Variants in CLMP observed in about 807,000 individuals in gnomAD.
The protein encoded by CLMP is CXADR like cell adhesion molecule.
A neutral mutation model predicts 45.2 loss-of-function variants in CLMP; 27 were observed. That is an observed-to-expected ratio of 0.60 (90% CI 0.44 to 0.82). The LOEUF is 0.82. CLMP is among the 40% of genes least tolerant of loss of function. CLMP has a pLI of 0.00. For synonymous variants in CLMP, 167 were observed against 171.4 expected, an observed-to-expected ratio of 0.97 and a Z score of 0.20; for missense variants, 403 against 448.4, an observed-to-expected ratio of 0.90 and a Z score of 0.91.
chr11:123,180,157 G>C (rs1861750661), intron 1 of CLMP, among the ~76,000 whole-genome samples: 1 of 152,202 alleles, frequency 6.6e-6, no homozygotes, highest in Non-Finnish European at 1.5e-5. Flanking sequence ...GAGCATCTCT[G>C]TGTCAGGCAC....
chr11:123,190,174 G>A (rs1179380649), intron 1 of CLMP, among the ~76,000 whole-genome samples: 1 of 152,116 alleles, frequency 6.6e-6, no homozygotes, highest in African/African-American at 2.4e-5. Flanking sequence ...TCCTGGGTGG[G>A]GGGATCGGGC....
chr11:123,152,477 C>T (rs752623167), intron 1 of CLMP, among the ~76,000 whole-genome samples: 8 of 151,420 alleles, frequency 5.3e-5, no homozygotes, highest in Non-Finnish European at 7.4e-5. Flanking sequence ...GAGCCGAGAT[C>T]GTGCCACTGC....
intron 1 of CLMP, among the ~76,000 whole-genome samples, chr11:123,155,512 G>T (rs1012613038): frequency 2.6e-5 from 4 of 152,300 alleles, no homozygotes; most frequent in African/African-American, 9.6e-5. Flanking sequence ...TGTGAGGAAG[G>T]TATTATTATT....
rs115184587 is a variant in CLMP at position 123,188,531 on chromosome 11, C to T, written c.28+6382G>A. Among the ~76,000 whole-genome samples the T allele has an allele frequency of 8.4e-3, 1,275 of 152,122 alleles. 12 individuals are homozygous for T. Among genetic ancestry groups the T allele is most frequent in the African/African-American group, 0.028 (1,172 of 41,474 alleles). On this transcript the variant is annotated intron_variant, in intron 1 of 6. Transcript: ENST00000448775. Reference sequence around the variant, plus strand: ...GAACTTTCCACATCCCCCTTGCTGCCGCTCTTTACAAAAACCCCCAATATT... The same window carrying T: ...GAACTTTCCACATCCCCCTTGCTGCTGCTCTTTACAAAAACCCCCAATATT...
At chr11:123,136,296 G>A in intron 1 of CLMP, 1 of 644,220 alleles carries the variant, frequency 1.6e-6, no homozygotes, top group African/African-American at 1.8e-5. Context: ...TTCCACCACT[G>A]GTGTCTTCGC....
intron 1 of CLMP, among the ~76,000 whole-genome samples, chr11:123,126,078 T>C (rs77418215): frequency 0.022 from 3,399 of 152,320 alleles, 48 homozygotes; most frequent in Non-Finnish European, 0.031. Context: ...TTTTCCTCTC[T>C]TCCAAGGGGC....
chr11:123,125,284 C>T (rs1860872941), intron 1 of CLMP, among the ~76,000 whole-genome samples: 1 of 152,194 alleles, frequency 6.6e-6, no homozygotes, highest in African/African-American at 2.4e-5. Context: ...TCCGCATGTA[C>T]ACTCCTCTGC....
At chr11:123,073,831 T>C (rs928304439) in intron 6 of CLMP, 57 bp from the exon 7 acceptor site, 1 of 1,508,882 alleles carries the variant, frequency 6.6e-7, no homozygotes, top group Non-Finnish European at 8.9e-7. Context: ...GCTTCCAGTA[T>C]GATTGCTTCC....
intron 2 of CLMP, among the ~76,000 whole-genome samples, chr11:123,089,693 C>T (rs1398198556): frequency 6.9e-6 from 1 of 145,186 alleles, no homozygotes; most frequent in Non-Finnish European, 1.5e-5. Flanking sequence ...AGGAGAATGG[C>T]ATGAACCCAG....
chr11:123,175,351 C>A (rs550209108), intron 1 of CLMP, among the ~76,000 whole-genome samples: 1 of 152,310 alleles, frequency 6.6e-6, no homozygotes, highest in East Asian at 1.9e-4. Flanking sequence ...ATAAGACCAA[C>A]AGATCTCACG....
chr11:123,104,490 T>C (rs562414756), intron 1 of CLMP, among the ~76,000 whole-genome samples: 2 of 152,072 alleles, frequency 1.3e-5, no homozygotes, highest in Admixed American at 6.6e-5. Flanking sequence ...GTTCAAACGA[T>C]TCTCCTGCCT....
rs564138075 is a variant in CLMP, at chr11:123,090,020, C to T, written c.187-5307G>A. Among the ~76,000 whole-genome samples, 5 of 150,262 alleles carry T rather than the reference C, an allele frequency of 3.3e-5. No homozygotes were observed. In the South Asian group the frequency reaches 8.4e-4, roughly 25 times the overall value. On this transcript the variant is annotated intron_variant, in intron 2 of 6. Transcript: ENST00000448775. ...GGCTTAGGCAGGAGAACCTGGGAGG[C>T]GGAGGTTGCAGTGATCCAAGATCAC...
intron 1 of CLMP, among the ~76,000 whole-genome samples, chr11:123,181,284 T>G (rs1415028212): frequency 6.6e-6 from 1 of 152,024 alleles, no homozygotes; most frequent in African/African-American, 2.4e-5. Flanking sequence ...CTTTCCAGAG[T>G]GAGACTGAAC....
chr11:123,173,693 T>G (rs990370415), intron 1 of CLMP, among the ~76,000 whole-genome samples: 4 of 152,176 alleles, frequency 2.6e-5, no homozygotes, highest in Non-Finnish European at 5.9e-5. Context: ...ATGAGGAAAC[T>G]GAAGCTCAGG....
intron 1 of CLMP, among the ~76,000 whole-genome samples, chr11:123,137,179 A>T (rs1464507007): frequency 3.1e-5 from 3 of 95,714 alleles, no homozygotes; most frequent in South Asian, 3.8e-4. Context: ...TTTGAGATGG[A>T]GTCTCGCTCT....
intron 5 of CLMP, among the ~76,000 whole-genome samples, chr11:123,077,219 G>A (rs983841660): frequency 4.6e-5 from 7 of 151,870 alleles, no homozygotes; most frequent in African/African-American, 1.7e-4. Flanking sequence ...GGCTGGTTTC[G>A]AACTCCTGAC....
chr11:123,125,201 T>C (rs1284273357), intron 1 of CLMP, among the ~76,000 whole-genome samples: 1 of 152,196 alleles, frequency 6.6e-6, no homozygotes, highest in Non-Finnish European at 1.5e-5. Context: ...CCTGGCCTTA[T>C]ATGCATTTTT....
chr11:123,149,155 C>T (rs1861277211), intron 1 of CLMP, among the ~76,000 whole-genome samples: 2 of 152,120 alleles, frequency 1.3e-5, no homozygotes, highest in Non-Finnish European at 1.5e-5. Context: ...TTACATGCCA[C>T]GTGTTCATCT....
intron 1 of CLMP, among the ~76,000 whole-genome samples, chr11:123,118,808 G>C (rs1178898901): frequency 6.6e-6 from 1 of 151,928 alleles, no homozygotes; most frequent in South Asian, 2.1e-4. Flanking sequence ...GACTCAAATG[G>C]CTGCCTCACA....
Sources: gnomAD v4.1 joint callset for allele counts (sites outside exome capture counted in the v4.1 genomes callset) on GRCh38, gnomAD v4.1.1 for gene constraint, MANE v1.5 for transcripts, NCBI Gene and HGNC (gene_info 2026-07-23, HGNC 2026-07-21) for gene names.